MGA: variants seen among roughly 807,000 people sequenced by gnomAD.
MGA encodes the protein MAX dimerization protein MGA.
Under a neutral mutation model 261.1 loss-of-function variants are expected in MGA, and 40 were observed. That is an observed-to-expected ratio of 0.15 (90% CI 0.12 to 0.20). The LOEUF is 0.20. Among genes scored for constraint, MGA ranks in the 10% least tolerant of loss-of-function variants. The pLI is 1.00. For synonymous variants in MGA, 1,302 were observed against 1,290.6 expected, an observed-to-expected ratio of 1.01 and a Z score of -0.19; for missense variants, 3,397 against 3,630.5, an observed-to-expected ratio of 0.94 and a Z score of 1.65.
At chr15:41,695,796 T>C (rs901824343) in intron 2 of MGA, among the ~76,000 whole-genome samples, 4 of 152,240 alleles carry the variant, frequency 2.6e-5, no homozygotes, top group Non-Finnish European at 5.9e-5. Flanking sequence ...TTTTATGTTA[T>C]GTGAATTTAA....
intron 15 of MGA, among the ~76,000 whole-genome samples, chr15:41,746,515 A>G (rs1265072021): frequency 6.9e-6 from 1 of 145,686 alleles, no homozygotes; most frequent in Non-Finnish European, 1.5e-5. Flanking sequence ...ATTGCACTCC[A>G]GCCTGGGCAA....
intron 2 of MGA, among the ~76,000 whole-genome samples, chr15:41,687,072 A>G (rs2059008569): frequency 6.6e-6 from 1 of 152,078 alleles, no homozygotes; most frequent in South Asian, 2.1e-4. Context: ...TTATCAGTGA[A>G]GCCACAGAGT....
chr15:41,762,622 A>G (rs2063546688), intron 22 of MGA, among the ~76,000 whole-genome samples: 1 of 151,124 alleles, frequency 6.6e-6, no homozygotes, highest in African/African-American at 2.4e-5. Flanking sequence ...GAGCACCACC[A>G]TGCCCAATTT....
At chr15:41,635,407 A>G (rs2056679673) in intron 1 of MGA, among the ~76,000 whole-genome samples, 2 of 78,850 alleles carry the variant, frequency 2.5e-5, no homozygotes, top group Admixed American at 1.7e-4. Context: ...CCAAACACAA[A>G]CACACACACA....
At position 41,706,585 on chromosome 15, in the gene MGA, C is replaced by T. The variant is rs200808115; in HGVS notation, c.2189-1143C>T. On this transcript the variant is annotated intron_variant, in intron 5 of 23. Transcript: ENST00000219905. The stretch of plus-strand genomic sequence containing the variant: ...TTAACACTTAGCTTTTTTTTTTTCC[C>T]TTTTTTTTTTTTTGAGATAGAGTCT... Among the ~76,000 whole-genome samples, 229 of 136,506 alleles carry T rather than the reference C, an allele frequency of 1.7e-3. 1 individual carries two copies. The highest frequency in any genetic ancestry group is 0.013 in the South Asian group (56 of 4,418). 89.6% of individuals were successfully genotyped at this position (136,506 alleles called of 152,430 possible). A position where few individuals can be genotyped will look rare whatever the true frequency, so the allele number is the denominator to read the frequency against.
rs768979511 is a variant in MGA, at chr15:41,669,524, A to C, written c.630A>C (p.Glu210Asp). ...CGAGGCTTCATTTGGTGCCTGCAGA[A>C]AAGGCTGTGGAGGTGATACAATTAA... The change falls in exon 2 of 24, where the codon GAA becomes GAC. Residue 210 changes from glutamate to aspartate, a missense_variant. Coordinates refer to ENST00000219905, the MANE Select transcript of MGA (RefSeq NM_001164273.2). 8 of 1,613,914 alleles carry C rather than the reference A, an allele frequency of 5.0e-6. No homozygotes were observed. In the African/African-American group the frequency reaches 1.1e-4, roughly 22 times the overall value.
rs1595935998 is a variant in MGA at position 41,742,574 on chromosome 15, C to T, written c.4614C>T (p.Phe1538=). 5.0e-6 allele frequency: 8 copies of T among 1,613,630 alleles called. No homozygotes were observed. The highest frequency in any genetic ancestry group is 6.8e-6 in the Non-Finnish European group (8 of 1,179,842). Residue 1538 remains phenylalanine (F), a synonymous_variant, in exon 15 of 24, where the codon TTC becomes TTT. Coordinates refer to ENST00000219905, the MANE Select transcript of MGA (RefSeq NM_001164273.2). ...CTCGACCCTCTCCTGGTGGTGTGTT[C>T]ACACAGTTTGTGATGAGTAAAGTTG...
chr15:41,634,702 G>A (rs1366443568), intron 1 of MGA, among the ~76,000 whole-genome samples: 1 of 152,080 alleles, frequency 6.6e-6, no homozygotes, highest in Non-Finnish European at 1.5e-5. Flanking sequence ...TGAGTATTGT[G>A]AGCTAAGGCC....
chr15:41,657,339 CTTTTTT>C (rs373920516), upstream of MGA, among the ~76,000 whole-genome samples: 7 of 106,908 alleles, frequency 6.5e-5, no homozygotes, highest in African/African-American at 2.6e-4. Flanking sequence ...AGTGAAGGCC[CTTTTTT>C]TTTTTTTTTT....
chr15:41,631,930 C>A (rs2056597481), intron 1 of MGA, among the ~76,000 whole-genome samples: 1 of 151,786 alleles, frequency 6.6e-6, no homozygotes, highest in African/African-American at 2.4e-5. Context: ...AGCTCAGATA[C>A]ATTTAGAAAA....
chr15:41,664,773 A>G (rs927985164), intron 1 of MGA, among the ~76,000 whole-genome samples: 1 of 151,996 alleles, frequency 6.6e-6, no homozygotes, highest in African/African-American at 2.4e-5. Flanking sequence ...CCAGTTCTTT[A>G]AGCTTTAATA....
chr15:41,751,267 A>G (rs573927834), intron 17 of MGA: 25 of 152,302 alleles, frequency 1.6e-4, no homozygotes, highest in African/African-American at 6.0e-4. Flanking sequence ...ATTTACTTAA[A>G]TAAGTAACTG....
Position 41,697,039 on chromosome 15 carries a change from T to C in MGA, c.2013+16T>C. On this transcript the variant is annotated intron_variant, in intron 3 of 23. Coordinates refer to ENST00000219905, the MANE Select transcript of MGA (RefSeq NM_001164273.2). The stretch of plus-strand genomic sequence containing the variant: ...TGAATCAAAGGTAAGATTGTAATTT[T>C]CAGGATTCTTTAAGGCTAATTAGTC... The C allele has an allele frequency of 1.3e-6, 2 of 1,496,598 alleles. No individual in the cohort carries two copies. Among genetic ancestry groups the C allele is most frequent in the Non-Finnish European group, 1.8e-6 (2 of 1,123,314 alleles). The allele number at this position is 1,496,598 out of a possible 1,614,324, so 92.7% of individuals were successfully genotyped here. A position where few individuals can be genotyped will look rare whatever the true frequency, so the allele number is the denominator to read the frequency against.
rs959153867 is a variant in MGA at position 41,749,849 on chromosome 15, T to G, written c.6242T>G (p.Val2081Gly). The change falls in exon 17 of 24, where the codon GTG becomes GGG. Residue 2081 changes from valine (V) to glycine (G), a missense_variant. Val to Gly is a moderately radical substitution (Grantham distance 109). Transcript: ENST00000219905. ...AATCGTAAGAGTTCCAAAGAAAAAGTGGCTGTTCTGGAAGTTAGGACCATT... is the reference window on the plus strand; with the variant it reads ...AATCGTAAGAGTTCCAAAGAAAAAGGGGCTGTTCTGGAAGTTAGGACCATT... The G allele has an allele frequency of 6.2e-6, 10 of 1,613,916 alleles. 1 individual carries two copies. The Middle Eastern group carries it at 4.9e-4, about 80-fold the overall frequency.
chr15:41,740,116 A>C lies in MGA; in HGVS notation c.4498A>C (p.Asn1500His), dbSNP rs1010021278. Residue 1500 changes from asparagine (N) to histidine (H), a missense_variant, in exon 14 of 24, where the codon AAT (asparagine) becomes CAT (histidine). Transcript: ENST00000219905. ...ACGTACCCTGTTGCCTTCAACATCC[A>C]ATTCCAAAATGGCATCCTCCTCTGG... 1.2e-6 allele frequency: 2 copies of C among 1,613,858 alleles called. No homozygotes were observed. The highest frequency in any genetic ancestry group is 2.7e-5 in the African/African-American group (2 of 74,904).
chr15:41,752,709 C>A (rs1567089219), intron 17 of MGA, among the ~76,000 whole-genome samples: 1 of 151,984 alleles, frequency 6.6e-6, no homozygotes, highest in Non-Finnish European at 1.5e-5. Context: ...GTGGGCACCA[C>A]CATGCCCAGC....
intron 2 of MGA, among the ~76,000 whole-genome samples, chr15:41,694,268 T>C (rs1219015240): frequency 2.0e-5 from 3 of 151,452 alleles, no homozygotes; most frequent in Non-Finnish European, 2.9e-5. Flanking sequence ...ATACAAAAAT[T>C]AGCCGGGCGT....
Position 41,707,909 on chromosome 15 carries a change from C to T in MGA, c.2320+50C>T, listed in dbSNP as rs555655752. 107 of 1,579,758 alleles carry T rather than the reference C, an allele frequency of 6.8e-5. No individual in the cohort carries two copies. In the Admixed American group the frequency reaches 9.9e-4, roughly 15 times the overall value. On this transcript the variant is annotated intron_variant, in intron 6 of 23. Transcript: ENST00000219905. ...CAAACACTATTTTTCTTGAAGTTTA[C>T]GTTATTTGTAACGTAAGTAAAAAGC...
At chr15:41,657,339 C>CTTTTTTTTTTTTTTTTT (rs373920516), upstream of MGA, among the ~76,000 whole-genome samples, 1 of 106,912 alleles carries the variant, frequency 9.4e-6, no homozygotes, top group Non-Finnish European at 1.8e-5. Context: ...AGTGAAGGCC[C>CTTTTTTTTTTTTTTTTT]TTTTTTTTTT....
Sources: allele counts gnomAD v4.1 joint callset (sites outside exome capture counted in the v4.1 genomes callset), GRCh38; gene constraint gnomAD v4.1.1; transcripts MANE v1.5; gene names NCBI Gene and HGNC (gene_info 2026-07-23, HGNC 2026-07-21).